PLPP4: variants seen among roughly 807,000 people sequenced by gnomAD.
PLPP4 encodes diacylglycerol pyrophosphate like 2.
A neutral mutation model predicts 32.2 loss-of-function variants in PLPP4; 20 were observed. The observed-to-expected ratio is 0.62, with a 90% CI of 0.44 to 0.90. PLPP4 has a LOEUF of 0.90. Among genes scored for constraint, PLPP4 ranks in the 40% least tolerant of loss-of-function variants. PLPP4 has a pLI of 0.00. For missense variants in PLPP4, 257 were observed against 353.1 expected, an observed-to-expected ratio of 0.73 and a Z score of 2.18; for synonymous variants, 127 against 133.0, an observed-to-expected ratio of 0.95 and a Z score of 0.31.
chr10:120,559,259 A>G (rs753534111), intron 5 of PLPP4, among the ~76,000 whole-genome samples: 2 of 151,342 alleles, frequency 1.3e-5, no homozygotes, highest in African/African-American at 2.4e-5. Flanking sequence ...TTTGTTGGTC[A>G]TACTTGTGGC....
chr10:120,589,392 AAACCCTACGTT>A lies in PLPP4; in HGVS notation c.708_718del (p.Pro237SerfsTer16). On this transcript the variant is annotated frameshift_variant, in exon 7 of 7. Transcript: ENST00000398250. LOFTEE classifies it high-confidence loss of function. ...TCCTCTGGCCAACACAGCTTGCCAT[AAACCCTACGTT>A]AGTCTGCGAGTCCCAGCCTCACTGA... 1.2e-6 allele frequency: 2 copies of A among 1,614,156 alleles called. No individual in the cohort carries two copies.
chr10:120,538,060 G>T (rs1229791812), intron 5 of PLPP4, among the ~76,000 whole-genome samples: 2 of 116,202 alleles, frequency 1.7e-5, no homozygotes, highest in African/African-American at 6.5e-5. Context: ...CTCTGTGTGT[G>T]TGTGTGTGTG....
At chr10:120,457,511 A>G (rs1289536697) in intron 1 of PLPP4, 150 bp downstream of exon 1, 10 of 619,026 alleles carry the variant, frequency 1.6e-5, no homozygotes, top group African/African-American at 1.3e-4. Flanking sequence ...AACGTGTCCT[A>G]CGGGACCAAG....
chr10:120,590,110 T>A lies in PLPP4; in HGVS notation c.*608T>A, dbSNP rs1170280816. 1.3e-5 allele frequency among the ~76,000 whole-genome samples: 2 copies of A among 152,210 alleles called. No homozygotes were observed. The highest frequency in any genetic ancestry group is 4.8e-5 in the African/African-American group (2 of 41,454). On this transcript the variant is annotated 3_prime_UTR_variant, in exon 7 of 7. Transcript: ENST00000398250. ...AAATTAATAACTTCATGCACAGACT[T>A]CCACCAAACACAATGAGCATGAAGA...
chr10:120,522,698 A>G (rs1222198213), intron 5 of PLPP4, among the ~76,000 whole-genome samples: 1 of 152,214 alleles, frequency 6.6e-6, no homozygotes, highest in Non-Finnish European at 1.5e-5. Context: ...TTATTTGGAA[A>G]AAGTGTCTTG....
At chr10:120,480,919 C>G (rs1329226457) in intron 1 of PLPP4, among the ~76,000 whole-genome samples, 2 of 152,208 alleles carry the variant, frequency 1.3e-5, no homozygotes, top group African/African-American at 4.8e-5. Flanking sequence ...GCAAGTTAGG[C>G]TCTTCTTCCA....
chr10:120,574,166 ACACT>A (rs1564850192), intron 5 of PLPP4, among the ~76,000 whole-genome samples: 23 of 48,010 alleles, frequency 4.8e-4, no homozygotes, highest in East Asian at 4.2e-3. Context: ...ACACACACAC[ACACT>A]CTCTCTCTCT....
intron 5 of PLPP4, among the ~76,000 whole-genome samples, chr10:120,527,142 G>A (rs1589821222): frequency 6.6e-6 from 1 of 152,162 alleles, no homozygotes; most frequent in South Asian, 2.1e-4. Flanking sequence ...CATCAGTCAT[G>A]TATCTATCTT....
chr10:120,515,036 G>A (rs1469007315), intron 3 of PLPP4, among the ~76,000 whole-genome samples: 3 of 152,132 alleles, frequency 2.0e-5, no homozygotes, highest in Admixed American at 6.5e-5. Flanking sequence ...TAGGGAGTGT[G>A]GGACAAGCAG....
At chr10:120,486,814 G>A (rs1844479674) in intron 1 of PLPP4, among the ~76,000 whole-genome samples, 1 of 152,222 alleles carries the variant, frequency 6.6e-6, no homozygotes, top group Admixed American at 6.5e-5. Flanking sequence ...GGTGTGACGA[G>A]CTTGTTAGCC....
At chr10:120,500,860 G>C (rs749008178) in intron 1 of PLPP4, among the ~76,000 whole-genome samples, 5 of 152,260 alleles carry the variant, frequency 3.3e-5, no homozygotes, top group Middle Eastern at 3.4e-3. Flanking sequence ...CTCAATGTGT[G>C]TGTGGGAAGA....
chr10:120,505,971 A>G (rs1310851540), intron 2 of PLPP4, among the ~76,000 whole-genome samples: 1 of 152,244 alleles, frequency 6.6e-6, no homozygotes, highest in Non-Finnish European at 1.5e-5. Context: ...GTTGTGAGAA[A>G]TCTGTGGCTG....
intron 2 of PLPP4, among the ~76,000 whole-genome samples, chr10:120,508,263 A>G (rs1414224745): frequency 6.6e-6 from 1 of 152,176 alleles, no homozygotes; most frequent in Non-Finnish European, 1.5e-5. Flanking sequence ...AGAGTCTTAG[A>G]CAGCTCTTTT....
intron 1 of PLPP4, among the ~76,000 whole-genome samples, chr10:120,484,573 G>T (rs1239142916): frequency 6.6e-6 from 1 of 152,146 alleles, no homozygotes; most frequent in African/African-American, 2.4e-5. Flanking sequence ...ATTCAACGGG[G>T]CAAAGCCCTT....
At chr10:120,526,254 C>T (rs1300695093) in intron 5 of PLPP4, among the ~76,000 whole-genome samples, 3 of 152,048 alleles carry the variant, frequency 2.0e-5, no homozygotes, top group Non-Finnish European at 2.9e-5. Flanking sequence ...TCTCTTACCC[C>T]GCTTTGTTTG....
chr10:120,514,088 G>T, intron 3 of PLPP4, 87 bp downstream of exon 3: 1 of 1,042,290 alleles, frequency 9.6e-7, no homozygotes, highest in East Asian at 2.4e-5. Context: ...ACACCCAACT[G>T]ATTTTTTTCT....
At chr10:120,485,041 A>G (rs1251818661) in intron 1 of PLPP4, among the ~76,000 whole-genome samples, 1 of 152,210 alleles carries the variant, frequency 6.6e-6, no homozygotes, top group Non-Finnish European at 1.5e-5. Flanking sequence ...ATGCTGGAAA[A>G]GGCAAGGAAG....
chr10:120,588,113 G>A (rs1327186505), intron 6 of PLPP4, among the ~76,000 whole-genome samples: 1 of 152,242 alleles, frequency 6.6e-6, no homozygotes, highest in African/African-American at 2.4e-5. Flanking sequence ...GCCTGCCTAT[G>A]GGAAGTCTGT....
At chr10:120,542,228 C>T (rs1847379408) in intron 5 of PLPP4, among the ~76,000 whole-genome samples, 2 of 152,184 alleles carry the variant, frequency 1.3e-5, no homozygotes, top group Admixed American at 1.3e-4. Context: ...GCAGGAACAC[C>T]CAGGGTGAGG....
Sources: gnomAD v4.1 joint callset for allele counts (sites outside exome capture counted in the v4.1 genomes callset) on GRCh38, gnomAD v4.1.1 for gene constraint, MANE v1.5 for transcripts, NCBI Gene and HGNC (gene_info 2026-07-23, HGNC 2026-07-21) for gene names.